Variants in CSMD1 observed in about 807,000 individuals in gnomAD.
The protein encoded by CSMD1 is CUB and sushi domain-containing protein 1.
In CSMD1, 213 loss-of-function variants were observed where a neutral mutation model predicts 417.5. That is an observed-to-expected ratio of 0.51 (90% CI 0.46 to 0.57). CSMD1 has a LOEUF of 0.57. CSMD1 is among the 20% of genes least tolerant of loss of function. The pLI, the probability that CSMD1 is intolerant of heterozygous loss-of-function variation, is 0.00. For missense variants in CSMD1, 6,923 were observed against 4,529.7 expected (o/e 1.53, Z -15.17); for synonymous variants, 2,862 against 1,736.8 (o/e 1.65, Z -16.11).
chr8:3,984,719 A>C lies in CSMD1; in HGVS notation c.818+13184T>G. On this transcript the variant is annotated intron_variant, in intron 5 of 69. Coordinates refer to ENST00000635120, the MANE Select transcript of CSMD1 (RefSeq NM_033225.6). Reference sequence around the variant, plus strand: ...GTGTATATATCATATATATATATATATATATATATATATATATATATATAT... The same window carrying C: ...GTGTATATATCATATATATATATATCTATATATATATATATATATATATAT... Among the ~76,000 whole-genome samples, 2 of 51,702 alleles carry C rather than the reference A, an allele frequency of 3.9e-5. 1 individual carries two copies. Among genetic ancestry groups the C allele is most frequent in the East Asian group, 1.6e-3 (2 of 1,218 alleles). The allele number at this position is 51,702 out of a possible 152,430, so 33.9% of individuals were successfully genotyped here.
intron 3 of CSMD1, among the ~76,000 whole-genome samples, chr8:4,251,889 G>T (rs1295133331): frequency 6.7e-6 from 1 of 150,082 alleles, no homozygotes; most frequent in Admixed American, 6.6e-5. Context: ...AGAGGGGAAG[G>T]GAGGGGAGGG....
chr8:3,015,491 A>G (rs1808755512), intron 52 of CSMD1, among the ~76,000 whole-genome samples: 1 of 151,078 alleles, frequency 6.6e-6, no homozygotes, highest in African/African-American at 2.4e-5. Flanking sequence ...AGTTTTCAGA[A>G]TATATATATA....
At position 3,162,295 on chromosome 8, in the gene CSMD1, A is replaced by G. The variant is rs779537924; in HGVS notation, c.5726-18T>C. On this transcript the variant is annotated intron_variant, in intron 37 of 69. Transcript: ENST00000635120. ...ACCTACAGCTAGAAATGCAAAGACA[A>G]ATGCTAGAAATTATATGATGTAAAC... 6.9e-7 allele frequency: 1 copy of G among 1,457,748 alleles called. No homozygotes were observed. The highest frequency in any genetic ancestry group is 9.5e-7 in the Non-Finnish European group (1 of 1,050,174). The allele number at this position is 1,457,748 out of a possible 1,614,324, so 90.3% of individuals were successfully genotyped here. A position where few individuals can be genotyped will look rare whatever the true frequency, so the allele number is the denominator to read the frequency against.
At chr8:4,544,916 T>A (rs17344197) in intron 2 of CSMD1, among the ~76,000 whole-genome samples, 39,578 of 152,180 alleles carry the variant, frequency 0.26, 5,733 homozygotes, top group South Asian at 0.38. Flanking sequence ...TCCACTTACA[T>A]TGAAATTCAG....
At chr8:4,827,718 A>G (rs1799918718) in intron 1 of CSMD1, among the ~76,000 whole-genome samples, 1 of 152,126 alleles carries the variant, frequency 6.6e-6, no homozygotes. Context: ...CTGTAGATCT[A>G]AAAAGAATGT....
intron 10 of CSMD1, among the ~76,000 whole-genome samples, chr8:3,533,558 C>A (rs753682741): frequency 6.6e-6 from 1 of 152,182 alleles, no homozygotes; most frequent in Admixed American, 6.5e-5. Context: ...GTCTATAAAG[C>A]AGGTTCACAC....
At chr8:3,552,586 A>G (rs998054491) in intron 10 of CSMD1, among the ~76,000 whole-genome samples, 2 of 152,198 alleles carry the variant, frequency 1.3e-5, no homozygotes, top group Non-Finnish European at 2.9e-5. Flanking sequence ...TTATGCAAAT[A>G]TAAGGTATTT....
chr8:3,106,166 G>C (rs945635102), intron 46 of CSMD1, among the ~76,000 whole-genome samples: 1 of 149,922 alleles, frequency 6.7e-6, no homozygotes, highest in African/African-American at 2.5e-5. Flanking sequence ...CAGGTAGATA[G>C]CTCGAGTCCA....
intron 2 of CSMD1, among the ~76,000 whole-genome samples, chr8:4,468,040 A>G (rs78543580): frequency 0.015 from 2,269 of 149,852 alleles, 30 homozygotes; most frequent in Non-Finnish European, 0.022. Context: ...GGGTTACTCA[A>G]CAGGCCCTGC....
chr8:4,232,649 T>C (rs182765268), intron 3 of CSMD1, among the ~76,000 whole-genome samples: 12 of 152,212 alleles, frequency 7.9e-5, no homozygotes, highest in Non-Finnish European at 1.2e-4. Flanking sequence ...CATCACTAAA[T>C]CTTACTTTCT....
rs997129049 is a variant in CSMD1 at position 4,146,355 on chromosome 8, C to A, written c.416-114256G>T. The stretch of plus-strand genomic sequence containing the variant: ...CAGGTGGATTCATTCTGATAAGCTT[C>A]AGCCCAACATCGACTTGCAGAGCTG... On this transcript the variant is annotated intron_variant, in intron 3 of 69. Coordinates refer to ENST00000635120, the MANE Select transcript of CSMD1 (RefSeq NM_033225.6). 1.0e-4 allele frequency among the ~76,000 whole-genome samples: 15 copies of A among 150,706 alleles called. 3 individuals are homozygous for A. The highest frequency in any genetic ancestry group is 3.5e-4 in the African/African-American group (14 of 40,122).
chr8:4,576,359 G>A (rs1338654890), intron 2 of CSMD1, among the ~76,000 whole-genome samples: 1 of 152,226 alleles, frequency 6.6e-6, no homozygotes, highest in Admixed American at 6.5e-5. Context: ...TCAGGGGAGA[G>A]TCAGAGGCAT....
At chr8:3,437,976 G>C (rs550274641) in intron 12 of CSMD1, among the ~76,000 whole-genome samples, 1 of 152,008 alleles carries the variant, frequency 6.6e-6, no homozygotes, top group South Asian at 2.1e-4. Flanking sequence ...GCTGACCTCA[G>C]ATGATCCGCT....
At chr8:4,294,843 A>G (rs1489013876) in intron 3 of CSMD1, among the ~76,000 whole-genome samples, 3 of 152,060 alleles carry the variant, frequency 2.0e-5, no homozygotes, top group Admixed American at 6.6e-5. Flanking sequence ...TAACTTTCCT[A>G]AAATAATTCC....
At chr8:4,130,811 G>C (rs1275301732) in intron 3 of CSMD1, among the ~76,000 whole-genome samples, 2 of 151,526 alleles carry the variant, frequency 1.3e-5, no homozygotes, top group South Asian at 2.1e-4. Flanking sequence ...TTATATATTT[G>C]TATATATAAT....
chr8:4,340,259 G>A (rs912650376), intron 3 of CSMD1, among the ~76,000 whole-genome samples: 1 of 152,000 alleles, frequency 6.6e-6, no homozygotes, highest in African/African-American at 2.4e-5. Context: ...AAGCCTGGAA[G>A]ATTTGTCCTT....
In CSMD1 at chr8:3,287,931, C is replaced by T. The variant is rs1330035050; in HGVS notation, c.3951-3585G>A. 2.1e-5 allele frequency among the ~76,000 whole-genome samples: 3 copies of T among 146,022 alleles called. 1 individual carries two copies. Among genetic ancestry groups the T allele is most frequent in the African/African-American group, 5.5e-5 (2 of 36,390 alleles). On this transcript the variant is annotated intron_variant, in intron 25 of 69. Transcript: ENST00000635120. ...TTTTGCCTATTCAGTATGATATTGG[C>T]TGTGGGTTTGTCATAGATAGCTCTT...
intron 41 of CSMD1, among the ~76,000 whole-genome samples, chr8:3,135,417 T>C (rs560650990): frequency 2.8e-4 from 42 of 150,954 alleles, no homozygotes; most frequent in African/African-American, 9.1e-4. Flanking sequence ...CTTTAAAACA[T>C]GCTCTTGAGT....
chr8:4,087,073 G>C (rs186987424), intron 3 of CSMD1, among the ~76,000 whole-genome samples: 7 of 152,168 alleles, frequency 4.6e-5, no homozygotes, highest in African/African-American at 1.7e-4. Flanking sequence ...AGAGAGATGC[G>C]TCATCCAAGC....
Sources: allele counts gnomAD v4.1 joint callset (sites outside exome capture counted in the v4.1 genomes callset), GRCh38; gene constraint gnomAD v4.1.1; transcripts MANE v1.5; gene names NCBI Gene and HGNC (gene_info 2026-07-23, HGNC 2026-07-21).